CLEC20A: variants seen among roughly 807,000 people sequenced by gnomAD.
CLEC20A encodes the protein putative C-type lectin domain family 20 member A.
At chr1:178,486,666 G>C (rs1049037767) in intron 5 of CLEC20A, 1 of 398,598 alleles carries the variant, frequency 2.5e-6, no homozygotes, top group Non-Finnish European at 4.4e-6. Context: ...CTGGGGCATC[G>C]CGGGTGGCAT....
At chr1:178,493,757 C>T (rs1189098270) in intron 2 of CLEC20A, 1 of 152,280 alleles carries the variant, frequency 6.6e-6, no homozygotes, top group Admixed American at 6.5e-5. Context: ...TAACCATCCA[C>T]CTGTGCTTCA....
At chr1:178,486,142 G>A (rs889752584) in intron 5 of CLEC20A, among the ~76,000 whole-genome samples, 5 of 152,154 alleles carry the variant, frequency 3.3e-5, no homozygotes, top group African/African-American at 1.2e-4. Context: ...TTCTCCCCCA[G>A]ATCACCCCAC....
intron 6 of CLEC20A, chr1:178,482,880 A>C (rs141459647): frequency 3.8e-5 from 10 of 259,988 alleles, no homozygotes; most frequent in African/African-American, 2.2e-4. Context: ...TTTATTGTTT[A>C]TAAAGTTTAT....
At chr1:178,491,738 T>G (rs1424747519) in intron 3 of CLEC20A, among the ~76,000 whole-genome samples, 1 of 152,188 alleles carries the variant, frequency 6.6e-6, no homozygotes. Context: ...GCCTCTGTCA[T>G]AGATCTTCTC....
At chr1:178,487,399 G>A (rs1189610216) in intron 5 of CLEC20A, among the ~76,000 whole-genome samples, 3 of 152,076 alleles carry the variant, frequency 2.0e-5, no homozygotes, top group Admixed American at 6.5e-5. Context: ...CAGGGGGCCC[G>A]GCCGGCAGGA....
upstream of CLEC20A, among the ~76,000 whole-genome samples, chr1:178,499,001 G>T (rs553812419): frequency 3.4e-4 from 52 of 152,322 alleles, no homozygotes; most frequent in Middle Eastern, 3.4e-3. Flanking sequence ...TCTGGGGACA[G>T]AAGAGAACCT....
intron 5 of CLEC20A, among the ~76,000 whole-genome samples, chr1:178,485,299 T>C (rs1252049533): frequency 1.3e-5 from 2 of 152,194 alleles, no homozygotes; most frequent in African/African-American, 2.4e-5. Flanking sequence ...GATGGCTCCA[T>C]TGGCTGGGGG....
chr1:178,489,969 C>T (rs1185724062), intron 4 of CLEC20A, 103 bp downstream of exon 4: 1 of 397,682 alleles, frequency 2.5e-6, no homozygotes, highest in Non-Finnish European at 4.4e-6. Flanking sequence ...GGAAGTGCTT[C>T]CTTGGGTCTA....
At chr1:178,490,276 T>G (rs1336338890) in exon 4 of CLEC20A, 1 of 398,562 alleles carries the variant, frequency 2.5e-6, no homozygotes, top group Non-Finnish European at 4.4e-6. Flanking sequence ...CAGGCTTCAG[T>G]CTCACTCATG....
chr1:178,490,253 G>A (rs557970375), exon 4 of CLEC20A: 71 of 398,658 alleles, frequency 1.8e-4, no homozygotes, highest in African/African-American at 1.3e-3. Context: ...TTGCATTGAG[G>A]TAGAGGCCAA....
chr1:178,479,703 T>C (rs1238374377), intron 7 of CLEC20A, 88 bp from the exon 8 acceptor site: 5 of 396,070 alleles, frequency 1.3e-5, no homozygotes, highest in Non-Finnish European at 2.2e-5. Context: ...GTATACCCTT[T>C]ATGCATATCC....
Position 178,479,552 on chromosome 1 carries a change from C to A in CLEC20A, c.1186G>T (p.Glu396Ter). ...GAATTGTGCTATTTTTTGTTCACTT[C>A]GAAGCTGACCCATTTCAGTCTAAAT... The change falls in exon 8 of 8, where the codon GAA becomes TAA. Residue 396 changes from glutamate (E) to a stop codon, truncating the protein, a stop_gained. Transcript: ENST00000623247. LOFTEE classifies it high-confidence loss of function. 2 of 398,446 alleles carry A rather than the reference C, an allele frequency of 5.0e-6. No individual in the cohort carries two copies. The highest frequency in any genetic ancestry group is 8.8e-5 in the Admixed American group (2 of 22,736). 24.7% of individuals were successfully genotyped at this position (398,446 alleles called of 1,614,324 possible).
In CLEC20A at chr1:178,488,768, T is replaced by A. The variant is rs530671984; in HGVS notation, c.830-169A>T. Among the ~76,000 whole-genome samples, 8 of 152,302 alleles carry A rather than the reference T, an allele frequency of 5.3e-5. No homozygotes were observed. The East Asian group carries it at 1.4e-3, about 26-fold the overall frequency. ...GTGCCAATCCCTGCAGGAGACACAT[T>A]CACCATCTCTAATCCTCACAGCAAG... On this transcript the variant is annotated intron_variant, in intron 4 of 7. Coordinates refer to ENST00000623247, the Ensembl canonical transcript of CLEC20A.
rs1444692934 is a variant in CLEC20A, at chr1:178,479,634, A to G, written c.1123-19T>C. 7 of 398,362 alleles carry G rather than the reference A, an allele frequency of 1.8e-5. No individual in the cohort carries two copies. Among genetic ancestry groups the G allele is most frequent in the Admixed American group, 4.4e-5 (1 of 22,706 alleles). 24.7% of individuals were successfully genotyped at this position (398,362 alleles called of 1,614,324 possible). On this transcript the variant is annotated intron_variant, in intron 7 of 7. Coordinates refer to ENST00000623247, the Ensembl canonical transcript of CLEC20A. ...CCTGGATCTGAAACATCAAAAAGAG[A>G]GAAAGTGTTGATGCGGTCTTTTTAC...
At chr1:178,479,496 A>C (rs1322261622) in exon 8 of CLEC20A, 2 of 398,252 alleles carry the variant, frequency 5.0e-6, no homozygotes, top group Non-Finnish European at 8.9e-6. Flanking sequence ...AATCCAGAGA[A>C]GATTGCATGA....
chr1:178,497,224 C>T (rs1649419771), upstream of CLEC20A: 3 of 363,046 alleles, frequency 8.3e-6, no homozygotes, highest in South Asian at 4.5e-4. Flanking sequence ...AATGAAGGCC[C>T]CAGAAGCACA....
upstream of CLEC20A, chr1:178,497,022 C>T (rs1649414493): frequency 1.0e-5 from 4 of 399,046 alleles, no homozygotes; most frequent in East Asian, 1.1e-4. Context: ...GTAGAAGAGG[C>T]TGCGTCTGAC....
intron 4 of CLEC20A, among the ~76,000 whole-genome samples, chr1:178,489,209 A>G (rs1159003290): frequency 1.3e-5 from 2 of 152,090 alleles, no homozygotes. Flanking sequence ...CCAAAAATAC[A>G]AAAATTAGTC....
chr1:178,484,683 GAAAACA>G (rs1649089565), intron 5 of CLEC20A: 1 of 151,926 alleles, frequency 6.6e-6, no homozygotes, highest in Non-Finnish European at 1.5e-5. Context: ...CCTTGTCTCT[GAAAACA>G]AAAACAAAAC....
Sources: allele counts gnomAD v4.1 joint callset (sites outside exome capture counted in the v4.1 genomes callset), GRCh38; gene constraint gnomAD v4.1.1; transcripts MANE v1.5; gene names NCBI Gene and HGNC (gene_info 2026-07-23, HGNC 2026-07-21).